Variants in NELL1 observed in about 807,000 individuals in gnomAD.
NELL1 encodes the protein protein kinase C-binding protein NELL1.
NELL1 carries 76 observed loss-of-function variants against 107.4 expected under a neutral mutation model. The observed-to-expected ratio is 0.71, with a 90% CI of 0.59 to 0.86. The LOEUF (loss-of-function observed/expected upper bound fraction) is 0.86. Ranked by LOEUF, NELL1 falls within the 40% of genes least tolerant of loss-of-function variation. The pLI, the probability that NELL1 is intolerant of heterozygous loss-of-function variation, is 0.00. For missense variants in NELL1, 1,024 were observed against 1,005.5 expected (o/e 1.02, Z -0.25); for synonymous variants, 353 against 341.2 (o/e 1.03, Z -0.38).
At chr11:20,729,378 T>C (rs186338476) in intron 2 of NELL1, among the ~76,000 whole-genome samples, 123 of 152,300 alleles carry the variant, frequency 8.1e-4, no homozygotes, top group Non-Finnish European at 1.6e-3. Flanking sequence ...CTTTATTATC[T>C]TGTGACAGTT....
chr11:21,304,343 G>A (rs1208624518), intron 14 of NELL1, among the ~76,000 whole-genome samples: 1 of 151,972 alleles, frequency 6.6e-6, no homozygotes, highest in Non-Finnish European at 1.5e-5. Flanking sequence ...AGATAACAAA[G>A]TCTTAGGAAT....
intron 14 of NELL1, among the ~76,000 whole-genome samples, chr11:21,340,033 TA>T (rs1850524856): frequency 6.6e-6 from 1 of 152,240 alleles, no homozygotes; most frequent in Non-Finnish European, 1.5e-5. Flanking sequence ...GCAGAGGCTC[TA>T]CAGTGGCTTT....
At chr11:21,247,955 G>T (rs1032075093) in intron 14 of NELL1, among the ~76,000 whole-genome samples, 1 of 152,152 alleles carries the variant, frequency 6.6e-6, no homozygotes, top group Admixed American at 6.6e-5. Flanking sequence ...TCATATGGAC[G>T]GTGGAGGAAG....
intron 4 of NELL1, among the ~76,000 whole-genome samples, chr11:20,869,741 A>T (rs934537118): frequency 5.3e-5 from 8 of 152,214 alleles, no homozygotes; most frequent in African/African-American, 1.9e-4. Flanking sequence ...AGTACCAGGT[A>T]TGGTGAGAAG....
At chr11:20,793,379 G>T (rs577589690) in intron 3 of NELL1, among the ~76,000 whole-genome samples, 1 of 151,858 alleles carries the variant, frequency 6.6e-6, no homozygotes, top group Non-Finnish European at 1.5e-5. Flanking sequence ...TGTGATATGT[G>T]TGTTTTCTTC....
At chr11:21,320,155 TCTC>T (rs534569904) in intron 14 of NELL1, among the ~76,000 whole-genome samples, 268 of 152,230 alleles carry the variant, frequency 1.8e-3, no homozygotes, top group African/African-American at 6.0e-3. Flanking sequence ...TTTTTCTTCT[TCTC>T]CTGCTGATAA....
chr11:21,518,516 G>T (rs1007623061), intron 15 of NELL1, among the ~76,000 whole-genome samples: 10 of 152,194 alleles, frequency 6.6e-5, no homozygotes, highest in Non-Finnish European at 1.3e-4. Flanking sequence ...TTAACATCAT[G>T]AAGAATAAAT....
chr11:21,361,199 G>A (rs1051299904), intron 14 of NELL1, among the ~76,000 whole-genome samples: 5 of 145,850 alleles, frequency 3.4e-5, no homozygotes, highest in Admixed American at 3.4e-4. Context: ...TGTTAAAAAT[G>A]TTTTATTTCT....
chr11:21,282,071 G>T (rs1202042882), intron 14 of NELL1, among the ~76,000 whole-genome samples: 1 of 152,030 alleles, frequency 6.6e-6, no homozygotes, highest in African/African-American at 2.4e-5. Flanking sequence ...CCTACAGATG[G>T]GAGAAAATAT....
At chr11:21,095,231 C>T (rs1590630601) in intron 12 of NELL1, among the ~76,000 whole-genome samples, 1 of 152,160 alleles carries the variant, frequency 6.6e-6, no homozygotes, top group Non-Finnish European at 1.5e-5. Context: ...CAACAAGTTC[C>T]TCATCTCCAT....
intron 13 of NELL1, among the ~76,000 whole-genome samples, chr11:21,133,840 T>C (rs561303111): frequency 2.0e-3 from 303 of 152,106 alleles, no homozygotes; most frequent in African/African-American, 7.0e-3. Flanking sequence ...GGTTCACAAC[T>C]GTGGCTGGGT....
At chr11:21,239,006 C>T (rs1443195887) in intron 14 of NELL1, among the ~76,000 whole-genome samples, 3 of 152,016 alleles carry the variant, frequency 2.0e-5, no homozygotes, top group East Asian at 1.9e-4. Flanking sequence ...AGTTACTTCA[C>T]GTGACTGTAA....
intron 12 of NELL1, among the ~76,000 whole-genome samples, chr11:21,074,144 T>C (rs551988710): frequency 1.2e-4 from 19 of 152,290 alleles, no homozygotes; most frequent in African/African-American, 4.3e-4. Context: ...CGACTCAAGA[T>C]GTGGTTCTGG....
intron 5 of NELL1, among the ~76,000 whole-genome samples, chr11:20,887,159 A>G (rs1849526240): frequency 6.6e-6 from 1 of 152,206 alleles, no homozygotes; most frequent in Non-Finnish European, 1.5e-5. Context: ...TGTTGTGTGT[A>G]TCAGTGGTTC....
At chr11:20,851,286 G>A (rs1848790587) in intron 4 of NELL1, among the ~76,000 whole-genome samples, 1 of 152,188 alleles carries the variant, frequency 6.6e-6, no homozygotes, top group African/African-American at 2.4e-5. Flanking sequence ...CGCTATTTTA[G>A]TTGGTAGTTC....
At chr11:20,794,406 G>A (rs1023618815) in intron 3 of NELL1, among the ~76,000 whole-genome samples, 64 of 152,256 alleles carry the variant, frequency 4.2e-4, no homozygotes, top group African/African-American at 1.4e-3. Flanking sequence ...ATGAAAAAAG[G>A]ATTTGTCTTC....
At position 21,355,596 on chromosome 11, in the gene NELL1, C is replaced by T. The variant is rs191220878; in HGVS notation, c.1550-15257C>T. Among the ~76,000 whole-genome samples the T allele has an allele frequency of 4.6e-5, 7 of 152,270 alleles. No homozygotes were observed. In the South Asian group the frequency reaches 1.2e-3, roughly 27 times the overall value. On this transcript the variant is annotated intron_variant, in intron 14 of 19. Coordinates refer to ENST00000357134, the MANE Select transcript of NELL1 (RefSeq NM_006157.5). Reference sequence around the variant, plus strand: ...AATCATGCTTTTACTAAGCCAAAGGCTGTATGGAAGAAGTACTCAGGTACT... The same window carrying T: ...AATCATGCTTTTACTAAGCCAAAGGTTGTATGGAAGAAGTACTCAGGTACT...
chr11:21,304,662 A>ATTG (rs1196148841), intron 14 of NELL1, among the ~76,000 whole-genome samples: 1 of 151,780 alleles, frequency 6.6e-6, no homozygotes, highest in Non-Finnish European at 1.5e-5. Flanking sequence ...GACAGCTTAC[A>ATTG]TTGTAAATCT....
At chr11:21,303,641 A>G (rs563765341) in intron 14 of NELL1, among the ~76,000 whole-genome samples, 8 of 152,222 alleles carry the variant, frequency 5.3e-5, no homozygotes, top group African/African-American at 1.9e-4. Context: ...CATTCTATTC[A>G]GCAATCTCAC....
Sources: allele counts gnomAD v4.1 joint callset (sites outside exome capture counted in the v4.1 genomes callset), GRCh38; gene constraint gnomAD v4.1.1; transcripts MANE v1.5; gene names NCBI Gene and HGNC (gene_info 2026-07-23, HGNC 2026-07-21).